ANK3: variants seen among roughly 807,000 people sequenced by gnomAD.
ANK3 encodes the protein ankyrin 3.
ANK3 carries 57 observed loss-of-function variants against 370.9 expected under a neutral mutation model. The ratio of observed to expected loss-of-function variants is 0.15; its 90% confidence interval spans 0.12 to 0.19. The LOEUF (loss-of-function observed/expected upper bound fraction) is 0.19, where lower values mean the gene tolerates loss of function less well. Among genes scored for constraint, ANK3 ranks in the 10% least tolerant of loss-of-function variants. ANK3 has a pLI of 1.00. For missense variants in ANK3, 4,439 were observed against 5,302.1 expected, an observed-to-expected ratio of 0.84 and a Z score of 5.06; for synonymous variants, 1,929 against 1,946.3, an observed-to-expected ratio of 0.99 and a Z score of 0.23.
At chr10:60,530,871 C>G (rs901539590) in intron 2 of ANK3, among the ~76,000 whole-genome samples, 4 of 152,114 alleles carry the variant, frequency 2.6e-5, no homozygotes, top group African/African-American at 9.7e-5. Flanking sequence ...ATCATTGAAT[C>G]TGTGAACACC....
intron 1 of ANK3, among the ~76,000 whole-genome samples, chr10:60,657,497 G>A (rs1276004628): frequency 6.6e-6 from 1 of 152,114 alleles, no homozygotes; most frequent in Non-Finnish European, 1.5e-5. Flanking sequence ...TTAGAAGAAA[G>A]ATATTTAATT....
At chr10:60,207,167 G>T (rs900350989) in intron 10 of ANK3, among the ~76,000 whole-genome samples, 2 of 152,166 alleles carry the variant, frequency 1.3e-5, no homozygotes, top group African/African-American at 4.8e-5. Context: ...TGGCAAGGAG[G>T]TGTCTGGGGT....
chr10:60,381,476 G>A (rs1168779686), intron 1 of ANK3, among the ~76,000 whole-genome samples: 1 of 152,192 alleles, frequency 6.6e-6, no homozygotes, highest in Non-Finnish European at 1.5e-5. Context: ...TTTGCAAAGA[G>A]CTAACTGTGG....
At chr10:60,044,406 T>C (rs1240511378) in intron 42 of ANK3, 8 of 826,328 alleles carry the variant, frequency 9.7e-6, no homozygotes, top group Non-Finnish European at 1.2e-5. Context: ...TCCACACTAC[T>C]CCAAACACCA....
chr10:60,558,841 A>T (rs973709942), intron 2 of ANK3, among the ~76,000 whole-genome samples: 1 of 152,186 alleles, frequency 6.6e-6, no homozygotes, highest in South Asian at 2.1e-4. Flanking sequence ...TGTACAGCTC[A>T]AAAGACAAAT....
chr10:60,454,224 T>A (rs1193460712), intron 2 of ANK3, among the ~76,000 whole-genome samples: 1 of 152,336 alleles, frequency 6.6e-6, no homozygotes, highest in East Asian at 1.9e-4. Flanking sequence ...AAGAACTGTG[T>A]CTTTTGATAA....
intron 23 of ANK3, among the ~76,000 whole-genome samples, chr10:60,144,882 A>G (rs2094739643): frequency 6.6e-6 from 1 of 152,132 alleles, no homozygotes; most frequent in Non-Finnish European, 1.5e-5. Context: ...ATCCTTTTTC[A>G]TGTCGAATAA....
intron 30 of ANK3, among the ~76,000 whole-genome samples, chr10:60,085,610 CTTTT>C (rs10601268): frequency 0.036 from 3,943 of 109,940 alleles, 118 homozygotes; most frequent in African/African-American, 0.13. Context: ...GTCTCTTACT[CTTTT>C]TTTTTTTTTT....
In ANK3 at chr10:60,196,166, G is replaced by A; in HGVS notation, c.1866C>T (p.Ala622=). The change falls in exon 16 of 44, where the codon GCC becomes GCT. Residue 622 remains alanine, a synonymous_variant. Coordinates refer to ENST00000280772, the MANE Select transcript of ANK3 (RefSeq NM_020987.5). ...KVALLLLDQG[A]SPHAAAKNGY... is the part of the protein sequence containing the mutation. ...GTACCTTTGCGGCTGCGTGAGGTGA[G>A]GCTCCTTGGTCCAAAAGCAGAAGGG... The A allele has an allele frequency of 6.2e-7, 1 of 1,613,922 alleles. No individual in the cohort carries two copies. Among genetic ancestry groups the A allele is most frequent in the African/African-American group, 1.3e-5 (1 of 75,024 alleles).
chr10:60,636,853 T>G (rs142773720), intron 1 of ANK3, among the ~76,000 whole-genome samples: 178 of 152,342 alleles, frequency 1.2e-3, no homozygotes, highest in African/African-American at 4.1e-3. Flanking sequence ...TTGTAAGAAG[T>G]AAGAAAAACA....
intron 8 of ANK3, among the ~76,000 whole-genome samples, chr10:60,226,523 C>G (rs1205412230): frequency 1.9e-5 from 1 of 53,930 alleles, no homozygotes; most frequent in South Asian, 4.6e-4. Context: ...AGTATATATA[C>G]TATAGTATAT....
chr10:60,361,307 G>A (rs2058573313), intron 1 of ANK3, among the ~76,000 whole-genome samples: 1 of 152,168 alleles, frequency 6.6e-6, no homozygotes, highest in African/African-American at 2.4e-5. Context: ...CAATACAATA[G>A]TATGAGTGAA....
chr10:60,059,305 C>T, intron 41 of ANK3, 35 bp downstream of exon 41: 6 of 1,535,552 alleles, frequency 3.9e-6, no homozygotes, highest in Non-Finnish European at 5.4e-6. Context: ...AACAAGTAAC[C>T]TGTGTTCACT....
chr10:60,511,215 C>A (rs565704986), intron 2 of ANK3, among the ~76,000 whole-genome samples: 71 of 152,202 alleles, frequency 4.7e-4, no homozygotes, highest in African/African-American at 1.6e-3. Context: ...CCTTATTTAT[C>A]TCCTTTCTAC....
chr10:60,394,470 C>G (rs571441037), upstream of ANK3, among the ~76,000 whole-genome samples: 3 of 152,192 alleles, frequency 2.0e-5, no homozygotes, highest in South Asian at 4.2e-4. Flanking sequence ...CCCTCTTTCC[C>G]CATCTATCTG....
chr10:60,352,023 G>A (rs1434667415), intron 1 of ANK3, among the ~76,000 whole-genome samples: 1 of 152,182 alleles, frequency 6.6e-6, no homozygotes, highest in Non-Finnish European at 1.5e-5. Context: ...AGGCCAGCAC[G>A]CAGTGGCTCA....
chr10:60,480,910 A>T (rs1029599319), intron 2 of ANK3, among the ~76,000 whole-genome samples: 2 of 152,176 alleles, frequency 1.3e-5, no homozygotes, highest in Non-Finnish European at 2.9e-5. Flanking sequence ...ATAGATTACC[A>T]TGTTCATTTA....
In ANK3 at chr10:60,588,172, AT is replaced by A. The variant is rs2077859016; in HGVS notation, c.96+27013del. Reference sequence around the variant, plus strand: ...GAGTTTCTCAGTTTTTATTATTATTATTATTATTATTATTATTATTATTATT... The same window carrying A: ...GAGTTTCTCAGTTTTTATTATTATTATATTATTATTATTATTATTATTATT... On this transcript the variant is annotated intron_variant, in intron 2 of 43. Transcript: ENST00000373827. Among the ~76,000 whole-genome samples the A allele has an allele frequency of 2.7e-5, 4 of 147,168 alleles. No individual in the cohort carries two copies. The East Asian group carries it at 8.0e-4, about 29-fold the overall frequency.
chr10:60,165,574 T>C (rs1159680262), intron 23 of ANK3, among the ~76,000 whole-genome samples: 2 of 152,168 alleles, frequency 1.3e-5, no homozygotes, highest in Non-Finnish European at 2.9e-5. Context: ...ATTGATTGGA[T>C]AACGAAAAGA....
Sources: allele counts gnomAD v4.1 joint callset (sites outside exome capture counted in the v4.1 genomes callset), GRCh38; gene constraint gnomAD v4.1.1; transcripts MANE v1.5; gene names NCBI Gene and HGNC (gene_info 2026-07-23, HGNC 2026-07-21).